SLC44A5: variants seen among roughly 807,000 people sequenced by gnomAD.
The protein encoded by SLC44A5 is choline transporter-like protein 5.
In SLC44A5, 57 loss-of-function variants were observed where a neutral mutation model predicts 101.8. The ratio of observed to expected loss-of-function variants is 0.56; its 90% CI spans 0.45 to 0.70. The LOEUF (loss-of-function observed/expected upper bound fraction) is 0.70. Among genes scored for constraint, SLC44A5 ranks in the 30% least tolerant of loss-of-function variants. The probability of loss-of-function intolerance (pLI) is 0.00; values close to 1 mark genes in which losing one functional copy is unlikely to be tolerated. For missense variants in SLC44A5, 737 were observed against 853.1 expected, an observed-to-expected ratio of 0.86 and a Z score of 1.70; for synonymous variants, 281 against 290.9, an observed-to-expected ratio of 0.97 and a Z score of 0.35.
At chr1:75,719,910 C>T in the SLC44A5 span, among the ~76,000 whole-genome samples, 9 of 152,146 alleles carry the variant, frequency 5.9e-5, no homozygotes, top group East Asian at 1.4e-3. Context: ...AAGAAGGGTG[C>T]GTGAGACTCT....
chr1:75,614,949 C>T (rs914005473), upstream of SLC44A5, among the ~76,000 whole-genome samples: 1 of 152,086 alleles, frequency 6.6e-6, no homozygotes, highest in Non-Finnish European at 1.5e-5. Context: ...TCTGCGAGTC[C>T]GCGCTGCGGG....
At chr1:75,496,559 T>C (rs1391323341) in intron 2 of SLC44A5, among the ~76,000 whole-genome samples, 1 of 150,142 alleles carries the variant, frequency 6.7e-6, no homozygotes, top group Non-Finnish European at 1.5e-5. Flanking sequence ...TTGATGAAGA[T>C]TTTTTTTTGC....
rs186133851 is a variant in SLC44A5, at chr1:75,252,405, A to G, written c.261-1111T>C. Among the ~76,000 whole-genome samples the G allele has an allele frequency of 1.1e-3, 163 of 152,326 alleles. 1 individual carries two copies. The highest frequency in any genetic ancestry group is 8.1e-4 in the Non-Finnish European group (55 of 68,022). On this transcript the variant is annotated intron_variant, in intron 6 of 23. Coordinates refer to ENST00000370859, the MANE Select transcript of SLC44A5 (RefSeq NM_001130058.2). Reference sequence around the variant, plus strand: ...GAAAGTCTTCCACAAGAAATTGGGGATAGATCCTTTAATCACTTCTACCTG... The same window carrying G: ...GAAAGTCTTCCACAAGAAATTGGGGGTAGATCCTTTAATCACTTCTACCTG...
At chr1:75,241,243 G>C (rs918933940) in intron 9 of SLC44A5, among the ~76,000 whole-genome samples, 1 of 151,404 alleles carries the variant, frequency 6.6e-6, no homozygotes, top group Non-Finnish European at 1.5e-5. Context: ...TATTTTTTTA[G>C]AGACAGTGTT....
intron 2 of SLC44A5, among the ~76,000 whole-genome samples, chr1:75,539,169 A>C (rs1236196086): frequency 1.3e-5 from 2 of 152,338 alleles, no homozygotes; most frequent in Admixed American, 6.5e-5. Context: ...AGACATAAAA[A>C]GTCCTAAACT....
chr1:75,281,091 A>G (rs1349713907), intron 5 of SLC44A5, among the ~76,000 whole-genome samples: 1 of 152,104 alleles, frequency 6.6e-6, no homozygotes, highest in East Asian at 1.9e-4. Flanking sequence ...GGAACTTCCT[A>G]GAGACTTGGA....
chr1:75,720,422 G>T, the SLC44A5 span: 1 of 152,346 alleles, frequency 6.6e-6, no homozygotes, highest in South Asian at 2.1e-4. Flanking sequence ...ATGTAGAGAA[G>T]TTTTGTGAAA....
At chr1:75,234,632 T>G (rs1001031876) in intron 11 of SLC44A5, among the ~76,000 whole-genome samples, 8 of 152,088 alleles carry the variant, frequency 5.3e-5, no homozygotes, top group Non-Finnish European at 8.8e-5. Flanking sequence ...CACTATGGTC[T>G]AATTATCTCT....
chr1:75,678,134 G>A, the SLC44A5 span, among the ~76,000 whole-genome samples: 1 of 152,144 alleles, frequency 6.6e-6, no homozygotes, highest in African/African-American at 2.4e-5. Context: ...CTCACTGATT[G>A]CTAGCACAGC....
chr1:75,584,130 G>T (rs1176949435), intron 1 of SLC44A5, among the ~76,000 whole-genome samples: 1 of 152,202 alleles, frequency 6.6e-6, no homozygotes, highest in East Asian at 1.9e-4. Context: ...CTGGGGAGGA[G>T]AGATCCAAAG....
intron 8 of SLC44A5, among the ~76,000 whole-genome samples, chr1:75,242,305 C>T (rs993581378): frequency 2.0e-5 from 3 of 151,928 alleles, no homozygotes; most frequent in Non-Finnish European, 4.4e-5. Flanking sequence ...ACAAGGAACA[C>T]CTTTGGAGGT....
the SLC44A5 span, among the ~76,000 whole-genome samples, chr1:75,663,255 G>T: frequency 6.6e-6 from 1 of 152,104 alleles, no homozygotes; most frequent in Non-Finnish European, 1.5e-5. Context: ...TAGCTCATGA[G>T]ATTGGAGCTT....
At chr1:75,644,363 A>G in the SLC44A5 span, among the ~76,000 whole-genome samples, 1 of 111,180 alleles carries the variant, frequency 9.0e-6, no homozygotes, top group South Asian at 3.2e-4. Context: ...ATAAATAATA[A>G]ACAAGGGATC....
the SLC44A5 span, among the ~76,000 whole-genome samples, chr1:75,654,723 C>T: frequency 6.6e-6 from 1 of 152,214 alleles, no homozygotes; most frequent in Non-Finnish European, 1.5e-5. Flanking sequence ...TAGACAGCTG[C>T]CCCATAATAC....
intron 5 of SLC44A5, among the ~76,000 whole-genome samples, chr1:75,288,254 G>T (rs927101478): frequency 2.0e-5 from 3 of 151,908 alleles, no homozygotes; most frequent in African/African-American, 4.8e-5. Context: ...GTATTTTTCA[G>T]TCCTCACTGT....
At chr1:75,416,075 G>A (rs1663623712) in intron 2 of SLC44A5, among the ~76,000 whole-genome samples, 1 of 152,204 alleles carries the variant, frequency 6.6e-6, no homozygotes, top group Non-Finnish European at 1.5e-5. Context: ...GGAGCTGAAT[G>A]TTAATCCCCA....
Position 75,326,998 on chromosome 1 carries a change from G to A in SLC44A5, c.101+12584C>T, listed in dbSNP as rs181289061. The stretch of plus-strand genomic sequence containing the variant: ...GAAAACATTAAGAAATAAGGTACAT[G>A]TAAATCAACTATGGTATGAACTTTT... On this transcript the variant is annotated intron_variant, in intron 4 of 23. Transcript: ENST00000370859. Among the ~76,000 whole-genome samples, 118 of 152,068 alleles carry A rather than the reference G, an allele frequency of 7.8e-4. 1 individual carries two copies. The highest frequency in any genetic ancestry group is 2.6e-3 in the African/African-American group (108 of 41,520).
At position 75,325,459 on chromosome 1, in the gene SLC44A5, T is replaced by C. The variant is rs1264207947; in HGVS notation, c.101+14123A>G. ...TTTTTATATATACATATATACAGTA[T>C]ACAGTAGTCTTGCCTTATCCACAGT... On this transcript the variant is annotated intron_variant, in intron 4 of 23. Transcript: ENST00000370859. Among the ~76,000 whole-genome samples, 5 of 152,188 alleles carry C rather than the reference T, an allele frequency of 3.3e-5. No individual in the cohort carries two copies. In the East Asian group the frequency reaches 7.7e-4, roughly 23 times the overall value.
At position 75,544,525 on chromosome 1, in the gene SLC44A5, AC is replaced by A. The variant is rs773646393; in HGVS notation, c.-69-3010del. Among the ~76,000 whole-genome samples the A allele has an allele frequency of 8.0e-4, 121 of 151,294 alleles. 1 individual carries two copies. Among genetic ancestry groups the A allele is most frequent in the East Asian group, 3.7e-3 (19 of 5,152 alleles). ...TGTGCACACACACACACACACACAC[AC>A]AACAAAATACTTTTGCTGAACCATT... On this transcript the variant is annotated intron_variant, in intron 1 of 23. Transcript: ENST00000370859.
Sources: gnomAD v4.1 joint callset for allele counts (sites outside exome capture counted in the v4.1 genomes callset) on GRCh38, gnomAD v4.1.1 for gene constraint, MANE v1.5 for transcripts, NCBI Gene and HGNC (gene_info 2026-07-23, HGNC 2026-07-21) for gene names.